EYA4: variants seen among roughly 807,000 people sequenced by gnomAD.
The protein encoded by EYA4 is protein phosphatase EYA4.
Under a neutral mutation model 87.9 loss-of-function variants are expected in EYA4, and 31 were observed. The ratio of observed to expected loss-of-function variants is 0.35; its 90% CI spans 0.27 to 0.48. The LOEUF (loss-of-function observed/expected upper bound fraction) is 0.48. EYA4 is among the 20% of genes least tolerant of loss of function. The pLI is 0.99. For missense variants in EYA4, 678 were observed against 761.4 expected (o/e 0.89, Z 1.29); for synonymous variants, 263 against 270.6 (o/e 0.97, Z 0.28).
At chr6:133,269,365 T>C (rs1014384918) in intron 1 of EYA4, among the ~76,000 whole-genome samples, 3 of 152,200 alleles carry the variant, frequency 2.0e-5, no homozygotes, top group Non-Finnish European at 4.4e-5. Context: ...TCATATGCAG[T>C]TTAAAATTGT....
chr6:133,283,316 A>C (rs1352497372), intron 2 of EYA4, among the ~76,000 whole-genome samples: 1 of 151,940 alleles, frequency 6.6e-6, no homozygotes, highest in Non-Finnish European at 1.5e-5. Flanking sequence ...AATAATATAA[A>C]AAATAAAATG....
chr6:133,527,675 CAT>C (rs1486665166), intron 19 of EYA4, among the ~76,000 whole-genome samples: 1 of 152,172 alleles, frequency 6.6e-6, no homozygotes, highest in Non-Finnish European at 1.5e-5. Context: ...TCAATAGCCA[CAT>C]GTGGCTGGTG....
chr6:133,453,806 A>G lies in EYA4; in HGVS notation c.278-2750A>G, dbSNP rs80046874. 1.3e-3 allele frequency: 197 copies of G among 152,250 alleles called. 1 individual carries two copies. The highest frequency in any genetic ancestry group is 4.4e-3 in the African/African-American group (181 of 41,570). The allele number at this position is 152,250 out of a possible 1,614,324, so 9.4% of individuals were successfully genotyped here. A position where few individuals can be genotyped will look rare whatever the true frequency, so the allele number is the denominator to read the frequency against. ...AAATTCAGGCATTTTAGTAAAGCTAACACATCTTGCTTGTTACTCCTCTCT... is the reference window on the plus strand; with the variant it reads ...AAATTCAGGCATTTTAGTAAAGCTAGCACATCTTGCTTGTTACTCCTCTCT... On this transcript the variant is annotated intron_variant, in intron 5 of 19. Transcript: ENST00000355286.
At chr6:133,477,681 GC>G (rs928235337) in intron 11 of EYA4, among the ~76,000 whole-genome samples, 3 of 151,920 alleles carry the variant, frequency 2.0e-5, no homozygotes, top group African/African-American at 7.3e-5. Context: ...GAGGAGTTCT[GC>G]AGTCATACCA....
rs1795066781 is a variant in EYA4, at chr6:133,468,742, T to C, written c.970+11T>C. The stretch of plus-strand genomic sequence containing the variant: ...TGACTAACCAACCAGGTACAGATCT[T>C]CACCCAGGTGAAATACTTTTATATG... On this transcript the variant is annotated intron_variant, in intron 11 of 19. Coordinates refer to ENST00000355286, the MANE Select transcript of EYA4 (RefSeq NM_004100.5). 1 of 1,612,520 alleles carries C rather than the reference T, an allele frequency of 6.2e-7. No homozygotes were observed. Among genetic ancestry groups the C allele is most frequent in the Non-Finnish European group, 8.5e-7 (1 of 1,178,822 alleles).
intron 3 of EYA4, among the ~76,000 whole-genome samples, chr6:133,386,218 A>G (rs889876765): frequency 6.6e-6 from 1 of 152,100 alleles, no homozygotes; most frequent in African/African-American, 2.4e-5. Flanking sequence ...GATATTTTGC[A>G]TTGATGTTTT....
intron 2 of EYA4, among the ~76,000 whole-genome samples, chr6:133,317,274 G>A (rs1366319465): frequency 3.3e-5 from 5 of 152,162 alleles, no homozygotes; most frequent in Non-Finnish European, 7.3e-5. Context: ...TCTTCATGAT[G>A]CTTTGAAGAA....
intron 14 of EYA4, among the ~76,000 whole-genome samples, chr6:133,506,427 C>T (rs1798628712): frequency 6.6e-6 from 1 of 152,114 alleles, no homozygotes; most frequent in Admixed American, 6.5e-5. Context: ...AGATTGTTGG[C>T]TTTGCTGTCC....
At chr6:133,333,726 T>C (rs1782154703) in intron 2 of EYA4, among the ~76,000 whole-genome samples, 1 of 152,124 alleles carries the variant, frequency 6.6e-6, no homozygotes, top group South Asian at 2.1e-4. Flanking sequence ...TTTATACCAA[T>C]TATGTTAGCA....
At chr6:133,389,864 T>G (rs1787105321) in intron 3 of EYA4, among the ~76,000 whole-genome samples, 1 of 152,214 alleles carries the variant, frequency 6.6e-6, no homozygotes, top group African/African-American at 2.4e-5. Context: ...TTTGAATCTC[T>G]TTATCCTGCC....
rs769070323 is a variant in EYA4 at position 133,382,402 on chromosome 6, C to T, written c.44C>T (p.Thr15Met). Residue 15 changes from threonine (T) to methionine (M), a missense_variant, in exon 3 of 20, where the codon ACG becomes ATG. Transcript: ENST00000355286. ...ACTCTTTTCTTACAGGTAAAGAAAA[C>T]GTGCACAGAATCAGATGTTTCACAA... ...QDLNEQSVKKTCTESDVSQSQ... is the reference protein window; with the variant it reads ...QDLNEQSVKKMCTESDVSQSQ... The T allele has an allele frequency of 6.2e-6, 10 of 1,608,824 alleles. No homozygotes were observed. In the Admixed American group the frequency reaches 8.3e-5, roughly 13 times the overall value.
intron 2 of EYA4, among the ~76,000 whole-genome samples, chr6:133,309,366 T>G (rs1780042809): frequency 6.6e-6 from 1 of 152,170 alleles, no homozygotes; most frequent in Non-Finnish European, 1.5e-5. Flanking sequence ...GGTTATATGG[T>G]GATCCAGAAG....
At chr6:133,334,577 T>C (rs1178019639) in intron 2 of EYA4, among the ~76,000 whole-genome samples, 4 of 152,202 alleles carry the variant, frequency 2.6e-5, no homozygotes, top group African/African-American at 9.6e-5. Flanking sequence ...TCACCAGGGC[T>C]GAACATTTTA....
rs568667162 is a variant in EYA4 at position 133,381,799 on chromosome 6, G to A, written c.34-593G>A. Among the ~76,000 whole-genome samples the A allele has an allele frequency of 2.6e-5, 4 of 152,234 alleles. No individual in the cohort carries two copies. The South Asian group carries it at 8.3e-4, about 32-fold the overall frequency. ...CAGAAATAGATAGCATGGCCTAGAA[G>A]TATGAGTTATTCTCATCCTTTACCT... On this transcript the variant is annotated intron_variant, in intron 2 of 19. Transcript: ENST00000355286.
chr6:133,442,744 G>T (rs566997136), intron 3 of EYA4, among the ~76,000 whole-genome samples: 1 of 152,010 alleles, frequency 6.6e-6, no homozygotes, highest in African/African-American at 2.4e-5. Context: ...GCTTGCTACC[G>T]AAATAATTCA....
At chr6:133,382,280 G>C in intron 2 of EYA4, 112 bp from the exon 3 acceptor site, 1 of 792,880 alleles carries the variant, frequency 1.3e-6, no homozygotes, top group Non-Finnish European at 2.3e-6. Flanking sequence ...AAGTGTGGGG[G>C]GTATTTTATA....
chr6:133,509,201 G>A (rs1312487459), intron 14 of EYA4, among the ~76,000 whole-genome samples: 1 of 152,122 alleles, frequency 6.6e-6, no homozygotes, highest in South Asian at 2.1e-4. Flanking sequence ...ATCTGACTTT[G>A]AAAGGCAGTT....
intron 2 of EYA4, among the ~76,000 whole-genome samples, chr6:133,345,625 G>C (rs747529973): frequency 6.6e-6 from 1 of 152,096 alleles, no homozygotes; most frequent in Non-Finnish European, 1.5e-5. Flanking sequence ...CAGTAATAAA[G>C]TGACAGAATG....
At chr6:133,384,048 CTTA>C (rs1212276530) in intron 3 of EYA4, among the ~76,000 whole-genome samples, 1 of 152,148 alleles carries the variant, frequency 6.6e-6, no homozygotes, top group Non-Finnish European at 1.5e-5. Context: ...TATAATCATC[CTTA>C]TTATTAATAT....
Sources: allele counts gnomAD v4.1 joint callset (sites outside exome capture counted in the v4.1 genomes callset), GRCh38; gene constraint gnomAD v4.1.1; transcripts MANE v1.5; gene names NCBI Gene and HGNC (gene_info 2026-07-23, HGNC 2026-07-21).